Variants in SMNDC1 observed in about 807,000 individuals in gnomAD.
SMNDC1 encodes the protein survival of motor neuron-related-splicing factor 30.
Under a neutral mutation model 29.2 loss-of-function variants are expected in SMNDC1, and 5 were observed. The observed-to-expected ratio is 0.17, with a 90% confidence interval of 0.09 to 0.36. The LOEUF (loss-of-function observed/expected upper bound fraction) is 0.36, where lower values mean the gene tolerates loss of function less well. Among genes scored for constraint, SMNDC1 ranks in the 10% least tolerant of loss-of-function variants. The pLI is 1.00. For synonymous variants in SMNDC1, 80 were observed against 89.9 expected (o/e 0.89, Z 0.62); for missense variants, 142 against 268.5 (o/e 0.53, Z 3.29).
chr10:110,299,546 G>A (rs1002138160), intron 2 of SMNDC1, among the ~76,000 whole-genome samples: 1 of 152,122 alleles, frequency 6.6e-6, no homozygotes, highest in Non-Finnish European at 1.5e-5. Context: ...TGTAGGGATG[G>A]CTAAAAAATT....
chr10:110,295,508 TA>T (rs1857552296), intron 4 of SMNDC1, 127 bp from the exon 5 acceptor site: 1 of 610,958 alleles, frequency 1.6e-6, no homozygotes, highest in African/African-American at 1.9e-5. Context: ...TAAAAAGTAC[TA>T]AATCATTAAA....
In SMNDC1 at chr10:110,290,918, C is replaced by T. The variant is rs1476114667; in HGVS notation, c.*3232G>A. ...ACAATCTACAGACACATGAGTCACA[C>T]AACTACAGTTTTCCTTTATGTTAAC... On this transcript the variant is annotated 3_prime_UTR_variant, in exon 6 of 6. Coordinates refer to ENST00000369603, the MANE Select transcript of SMNDC1 (RefSeq NM_005871.4). The T allele has an allele frequency of 2.0e-5, 3 of 152,138 alleles. No individual in the cohort carries two copies. The highest frequency in any genetic ancestry group is 4.4e-5 in the Non-Finnish European group (3 of 68,028). The allele number at this position is 152,138 out of a possible 1,614,324, so 9.4% of individuals were successfully genotyped here.
At chr10:110,303,810 T>C (rs1857694998) in intron 1 of SMNDC1, 1 of 462,794 alleles carries the variant, frequency 2.2e-6, no homozygotes, top group Non-Finnish European at 3.7e-6. Flanking sequence ...ATACATTCCA[T>C]ACTTTAAAAA....
intron 1 of SMNDC1, chr10:110,304,457 G>T (rs1212121722): frequency 6.6e-6 from 1 of 152,264 alleles, no homozygotes; most frequent in African/African-American, 2.4e-5. Context: ...CAAGACCACC[G>T]CCGGAGCCCC....
chr10:110,295,445 G>C (rs1056234414), intron 4 of SMNDC1, 64 bp from the exon 5 acceptor site: 16 of 1,345,376 alleles, frequency 1.2e-5, no homozygotes, highest in African/African-American at 3.0e-5. Context: ...CTTCCTTGAA[G>C]ACACCGGCAG....
intron 4 of SMNDC1, among the ~76,000 whole-genome samples, chr10:110,295,982 C>T (rs775956232): frequency 6.6e-6 from 1 of 152,098 alleles, no homozygotes; most frequent in African/African-American, 2.4e-5. Context: ...TAGCTGTTAC[C>T]AGTTGTTTTA....
chr10:110,303,408 A>C, intron 2 of SMNDC1, 60 bp downstream of exon 2: 1 of 1,494,484 alleles, frequency 6.7e-7, no homozygotes, highest in Non-Finnish European at 8.9e-7. Context: ...TTGGGTACTT[A>C]GGGATTCAAG....
intron 2 of SMNDC1, among the ~76,000 whole-genome samples, chr10:110,299,691 CTG>C (rs1176471233): frequency 6.6e-6 from 1 of 152,184 alleles, no homozygotes; most frequent in African/African-American, 2.4e-5. Context: ...AAACATCATA[CTG>C]TGTGTTTGGG....
chr10:110,298,985 G>C (rs991122600), intron 2 of SMNDC1, among the ~76,000 whole-genome samples, 195 bp from the exon 3 acceptor site: 7 of 152,172 alleles, frequency 4.6e-5, no homozygotes, highest in Non-Finnish European at 1.5e-5. Flanking sequence ...TTAAGTGGCA[G>C]AGCTGTGACT....
intron 1 of SMNDC1, chr10:110,304,442 A>T (rs1857709730): frequency 6.6e-6 from 1 of 152,328 alleles, no homozygotes; most frequent in African/African-American, 2.4e-5. Context: ...TCCACACGCC[A>T]GCTCCAAGAC....
chr10:110,297,060 G>C (rs1449894786), intron 4 of SMNDC1, among the ~76,000 whole-genome samples: 2 of 152,176 alleles, frequency 1.3e-5, no homozygotes, highest in Non-Finnish European at 2.9e-5. Context: ...CCGCCTTGTA[G>C]CTTTGTACTT....
chr10:110,304,661 G>A (rs958045864), intron 1 of SMNDC1, 87 bp downstream of exon 1: 12 of 152,310 alleles, frequency 7.9e-5, no homozygotes, highest in African/African-American at 2.9e-4. Flanking sequence ...CCGGCGAGGC[G>A]GGCTCCTCAG....
chr10:110,296,940 C>T (rs952110142), intron 4 of SMNDC1, among the ~76,000 whole-genome samples: 2 of 152,166 alleles, frequency 1.3e-5, no homozygotes, highest in African/African-American at 2.4e-5. Flanking sequence ...TCCTCACAAC[C>T]CAATAATGTA....
chr10:110,291,834 G>A lies in SMNDC1; in HGVS notation c.*2316C>T, dbSNP rs1417488111. 1 of 152,058 alleles carries A rather than the reference G, an allele frequency of 6.6e-6. No individual in the cohort carries two copies. Among genetic ancestry groups the A allele is most frequent in the African/African-American group, 2.4e-5 (1 of 41,370 alleles). 9.4% of individuals were successfully genotyped at this position (152,058 alleles called of 1,614,324 possible). On this transcript the variant is annotated 3_prime_UTR_variant, in exon 6 of 6. Coordinates refer to ENST00000369603, the MANE Select transcript of SMNDC1 (RefSeq NM_005871.4). ...CTAAAACTCAACATTTTATTTTCGG[G>A]AGGTTAGGACTGTTCTTTCCTTGAA...
intron 5 of SMNDC1, 67 bp from the exon 6 acceptor site, chr10:110,294,354 A>ACATTACTTAAAATTT: frequency 1.5e-6 from 2 of 1,306,626 alleles, no homozygotes; most frequent in Non-Finnish European, 1.0e-6. Flanking sequence ...TCAAATTTTA[A>ACATTACTTAAAATTT]GTAATGTTAA....
In SMNDC1 at chr10:110,298,648, T is replaced by C. The variant is rs1857602248; in HGVS notation, c.263A>G (p.Gln88Arg). ...TTAGAGTTTTTTTTTCTACACTTAC[T>C]GTCCATCTTCACTCCAGACTGCCAT... Reference protein sequence around the residue: ...KCMAVWSEDGQCYEAEIEEID... With the variant: ...KCMAVWSEDGRCYEAEIEEID... Residue 88 changes from glutamine to arginine, a missense_variant and splice_region_variant, in exon 3 of 6, where the codon CAG (glutamine) becomes CGG (arginine). By Grantham distance (43) the Gln-to-Arg change is conservative (BLOSUM62 1). Transcript: ENST00000369603. 1 of 1,602,730 alleles carries C rather than the reference T, an allele frequency of 6.2e-7. No individual in the cohort carries two copies.
chr10:110,300,726 G>A, intron 2 of SMNDC1: 1 of 985,420 alleles, frequency 1.0e-6, no homozygotes, highest in East Asian at 1.1e-4. Flanking sequence ...TTTCGGGGAT[G>A]CAGAGAGCCA....
In SMNDC1 at chr10:110,291,330, A is replaced by G. The variant is rs1857497348; in HGVS notation, c.*2820T>C. 1 of 152,206 alleles carries G rather than the reference A, an allele frequency of 6.6e-6. No individual in the cohort carries two copies. The highest frequency in any genetic ancestry group is 1.5e-5 in the Non-Finnish European group (1 of 68,032). The allele number at this position is 152,206 out of a possible 1,614,324, so 9.4% of individuals were successfully genotyped here. On this transcript the variant is annotated 3_prime_UTR_variant, in exon 6 of 6. Transcript: ENST00000369603. ...ACCTTCACCCCCTTCCCATTAAGAA[A>G]CATGCCCTAGTATACAAATTAGTTC...
intron 2 of SMNDC1, among the ~76,000 whole-genome samples, chr10:110,303,073 G>T (rs775786724): frequency 6.6e-6 from 1 of 151,280 alleles, no homozygotes; most frequent in Non-Finnish European, 1.5e-5. Context: ...GTATTAAAAA[G>T]AATCTTAAGG....
Sources: allele counts gnomAD v4.1 joint callset (sites outside exome capture counted in the v4.1 genomes callset), GRCh38; gene constraint gnomAD v4.1.1; transcripts MANE v1.5; gene names NCBI Gene and HGNC (gene_info 2026-07-23, HGNC 2026-07-21).